Variants in ANOS1 observed in about 807,000 individuals in gnomAD.
ANOS1 encodes the protein anosmin-1.
Under a neutral mutation model 59.0 loss-of-function variants are expected in ANOS1, and 6 were observed. The ratio of observed to expected loss-of-function variants is 0.10; its 90% CI spans 0.06 to 0.20. ANOS1 has a LOEUF of 0.20. Among genes scored for constraint, ANOS1 ranks in the 10% least tolerant of loss-of-function variants. The pLI is 1.00. For missense variants in ANOS1, 433 were observed against 542.3 expected (o/e 0.80, Z 2.00); for synonymous variants, 217 against 223.4 (o/e 0.97, Z 0.25).
chrX:8,659,535 C>CCT (rs1247148723), intron 2 of ANOS1, among the ~76,000 whole-genome samples: 13 of 89,807 alleles, frequency 1.4e-4, no homozygotes, highest in African/African-American at 7.1e-4. Flanking sequence ...TTCTTTCTTT[C>CCT]TCTTTCCTTC....
chrX:8,668,764 G>C (rs1007701520), intron 2 of ANOS1, among the ~76,000 whole-genome samples: 3 of 109,819 alleles, frequency 2.7e-5, no homozygotes, highest in Non-Finnish European at 3.8e-5. Flanking sequence ...CAAAGGTGCA[G>C]GGTGCCAGCT....
Position 8,732,043 on chromosome X carries a change from G to C in ANOS1, c.-7C>G. The stretch of plus-strand genomic sequence containing the variant: ...CGGGCACCCCGGGCACCATGGCTGC[G>C]GGTCGAGGGCGAGGGCGAGGGCGCC... On this transcript the variant is annotated 5_prime_UTR_variant, in exon 1 of 14. Transcript: ENST00000262648. 2.1e-6 allele frequency: 2 copies of C among 954,222 alleles called. No homozygotes were observed. The highest frequency in any genetic ancestry group is 2.6e-6 in the Non-Finnish European group (2 of 764,717). The allele number at this position is 954,222 out of a possible 1,213,427, so 78.6% of individuals were successfully genotyped here. A position where few individuals can be genotyped will look rare whatever the true frequency, so the allele number is the denominator to read the frequency against.
intron 1 of ANOS1, among the ~76,000 whole-genome samples, chrX:8,725,751 T>C (rs1037757418): frequency 1.0e-5 from 1 of 99,308 alleles, no homozygotes; most frequent in Non-Finnish European, 2.0e-5. Flanking sequence ...GATATATATA[T>C]ATACAGATAT....
At chrX:8,685,745 C>T (rs995797963) in intron 2 of ANOS1, among the ~76,000 whole-genome samples, 8 of 111,080 alleles carry the variant, frequency 7.2e-5, no homozygotes, top group African/African-American at 2.6e-4. Flanking sequence ...AGTGCACGAG[C>T]AAGATTTACA....
At chrX:8,543,078 C>T (rs936414603) in intron 9 of ANOS1, among the ~76,000 whole-genome samples, 1 of 106,714 alleles carries the variant, frequency 9.4e-6, no homozygotes, top group Non-Finnish European at 1.9e-5. Context: ...TATTTGCTGT[C>T]ACTGTTGCAT....
chrX:8,568,591 T>C (rs1334268029), intron 7 of ANOS1, among the ~76,000 whole-genome samples: 1 of 110,637 alleles, frequency 9.0e-6, no homozygotes, highest in African/African-American at 3.3e-5. Context: ...CCCAGCACTT[T>C]GGGAGCCCGA....
intron 2 of ANOS1, among the ~76,000 whole-genome samples, chrX:8,667,606 C>A (rs776589856): frequency 9.0e-6 from 1 of 111,439 alleles, no homozygotes; most frequent in Admixed American, 9.5e-5. Flanking sequence ...GGGCAAGAGA[C>A]GAAGTGTTGA....
At chrX:8,571,334 T>C (rs1270796475) in intron 6 of ANOS1, among the ~76,000 whole-genome samples, 2 of 111,214 alleles carry the variant, frequency 1.8e-5, no homozygotes, top group African/African-American at 6.5e-5. Context: ...TAAAATATAG[T>C]ACAATTCAAT....
intron 2 of ANOS1, among the ~76,000 whole-genome samples, chrX:8,667,867 T>C (rs765755335): frequency 9.1e-6 from 1 of 110,455 alleles, no homozygotes; most frequent in Non-Finnish European, 1.9e-5. Context: ...GCTGAGAGCA[T>C]GAATTGTAGA....
chrX:8,648,989 G>A (rs1020983936), intron 2 of ANOS1, among the ~76,000 whole-genome samples: 4 of 111,302 alleles, frequency 3.6e-5, no homozygotes, highest in Non-Finnish European at 7.5e-5. Context: ...CCAATAAACG[G>A]ACAGTCTCCC....
chrX:8,591,747 C>G (rs746628667), intron 4 of ANOS1, among the ~76,000 whole-genome samples: 2 of 112,441 alleles, frequency 1.8e-5, no homozygotes, highest in East Asian at 2.8e-4. Context: ...CTCAACCCCC[C>G]TCAAGACCTC....
intron 3 of ANOS1, among the ~76,000 whole-genome samples, chrX:8,597,658 CTTTTTT>C (rs35836743): frequency 2.0e-4 from 5 of 25,166 alleles, no homozygotes; most frequent in African/African-American, 2.7e-4. Flanking sequence ...TTCTTTCTCC[CTTTTTT>C]TTTTTTTTTT....
intron 1 of ANOS1, among the ~76,000 whole-genome samples, chrX:8,701,150 G>A (rs1433835710): frequency 1.8e-5 from 2 of 110,429 alleles, no homozygotes; most frequent in Non-Finnish European, 3.8e-5. Flanking sequence ...TGCTAGGCCG[G>A]AATAGGTAGC....
intron 1 of ANOS1, among the ~76,000 whole-genome samples, chrX:8,715,257 G>A (rs906443831): frequency 2.7e-5 from 3 of 110,348 alleles, no homozygotes; most frequent in South Asian, 3.9e-4. Context: ...TGCATCATAC[G>A]GAAAGGTGAA....
At chrX:8,560,185 G>A (rs1298331608) in intron 8 of ANOS1, among the ~76,000 whole-genome samples, 1 of 110,848 alleles carries the variant, frequency 9.0e-6, no homozygotes, top group East Asian at 2.8e-4. Context: ...GCCCAGATTG[G>A]TCTCAAACTT....
Position 8,533,794 on chromosome X carries a change from A to G in ANOS1, c.1984+525T>C, listed in dbSNP as rs184175347. 8.3e-3 allele frequency among the ~76,000 whole-genome samples: 924 copies of G among 111,342 alleles called. 8 individuals carry two copies. The highest frequency in any genetic ancestry group is 0.013 in the Non-Finnish European group (715 of 53,086). ...ACAGTAATATCTATGTAACAAGAACATAAGTTCCTTAGCAAAATATTATTT... is the reference window on the plus strand; with the variant it reads ...ACAGTAATATCTATGTAACAAGAACGTAAGTTCCTTAGCAAAATATTATTT... On this transcript the variant is annotated intron_variant, in intron 13 of 13. Coordinates refer to ENST00000262648, the MANE Select transcript of ANOS1 (RefSeq NM_000216.4).
At chrX:8,613,763 C>T (rs1016656307) in intron 3 of ANOS1, among the ~76,000 whole-genome samples, 5 of 112,020 alleles carry the variant, frequency 4.5e-5, no homozygotes, top group African/African-American at 1.6e-4. Flanking sequence ...GCCCCAGCCT[C>T]CTGTGTAGCT....
intron 2 of ANOS1, among the ~76,000 whole-genome samples, chrX:8,639,563 A>C (rs751923711): frequency 8.9e-6 from 1 of 112,155 alleles, no homozygotes; most frequent in East Asian, 2.8e-4. Flanking sequence ...ATGTACGTTT[A>C]TAATTTACAG....
rs767123456 is a variant in ANOS1 at position 8,535,598 on chromosome X, A to G, written c.1835T>C (p.Leu612Pro). The G allele has an allele frequency of 1.8e-5, 22 of 1,200,528 alleles. No homozygotes were observed. The highest frequency in any genetic ancestry group is 3.4e-6 in the Non-Finnish European group (3 of 886,210). The part of the protein sequence containing the change: ...PNSIISQSQI[L>P]PSDHYVLTVP... ...ACAAGAGGTGGGACCTACGGAAGGC[A>G]GGATCTGGGACTGTGAAATAATGCT... The change falls in exon 12 of 14, where the codon CTG becomes CCG. Residue 612 changes from leucine to proline, a missense_variant. Coordinates refer to ENST00000262648, the MANE Select transcript of ANOS1 (RefSeq NM_000216.4).
Sources: allele counts gnomAD v4.1 joint callset (sites outside exome capture counted in the v4.1 genomes callset), GRCh38; gene constraint gnomAD v4.1.1; transcripts MANE v1.5; gene names NCBI Gene and HGNC (gene_info 2026-07-23, HGNC 2026-07-21).